The following STPG2 variants were observed in gnomAD, a reference collection of about 807,000 sequenced individuals.
STPG2 encodes the protein sperm-tail PG-rich repeat-containing protein 2.
Under a neutral mutation model 54.2 loss-of-function variants are expected in STPG2, and 56 were observed. The ratio of observed to expected loss-of-function variants is 1.03; its 90% CI spans 0.83 to 1.29. STPG2 has a LOEUF of 1.29. Ranked by LOEUF, STPG2 falls within the 50% of genes most tolerant of loss-of-function variation. STPG2 has a pLI of 0.00. For synonymous variants in STPG2, 200 were observed against 181.8 expected (o/e 1.10, Z -0.81); for missense variants, 596 against 544.9 (o/e 1.09, Z -0.93).
chr4:97,639,460 AATGTGCAC>A (rs1721687325), intron 10 of STPG2, among the ~76,000 whole-genome samples: 1 of 151,992 alleles, frequency 6.6e-6, no homozygotes. Flanking sequence ...TAACCTGCAC[AATGTGCAC>A]ATGTACCCTA....
intron 10 of STPG2, among the ~76,000 whole-genome samples, chr4:97,629,771 G>T (rs1231420227): frequency 1.3e-5 from 2 of 151,892 alleles, no homozygotes; most frequent in African/African-American, 4.8e-5. Context: ...ATATGTTAGG[G>T]TAATAGAAGG....
chr4:97,864,387 C>T lies in STPG2; in HGVS notation c.1045-23455G>A, dbSNP rs550641210. On this transcript the variant is annotated intron_variant, in intron 8 of 10. Transcript: ENST00000295268. The stretch of plus-strand genomic sequence containing the variant: ...ACCTAGGAATCCAACTTACAAGGGA[C>T]GTGAAGGATCTCTTCAAGGAGAACT... Among the ~76,000 whole-genome samples, 52 of 152,088 alleles carry T rather than the reference C, an allele frequency of 3.4e-4. No individual in the cohort carries two copies. In the South Asian group the frequency reaches 6.0e-3, roughly 18 times the overall value.
chr4:97,579,065 T>A (rs1333131893), intron 10 of STPG2, among the ~76,000 whole-genome samples: 3 of 152,124 alleles, frequency 2.0e-5, no homozygotes, highest in African/African-American at 7.2e-5. Context: ...GAAGAAAATA[T>A]CTACAATAAT....
Position 98,078,956 on chromosome 4 carries a change from G to A in STPG2, c.612+26997C>T, listed in dbSNP as rs1288953288. 4.6e-5 allele frequency among the ~76,000 whole-genome samples: 7 copies of A among 152,028 alleles called. No individual in the cohort carries two copies. The South Asian group carries it at 6.2e-4, about 14-fold the overall frequency. On this transcript the variant is annotated intron_variant, in intron 5 of 10. Transcript: ENST00000295268. The stretch of plus-strand genomic sequence containing the variant: ...TACTGTATTTATGATGTAGAAGCAC[G>A]AATAATAACCATATTATTGCATATT...
chr4:97,616,083 TATATATATA>T, intron 10 of STPG2, among the ~76,000 whole-genome samples: 1 of 83,010 alleles, frequency 1.2e-5, no homozygotes, highest in Admixed American at 1.5e-4. Flanking sequence ...TATATATATA[TATATATATA>T]TATGTATGTA....
At chr4:98,088,170 T>G (rs1172274801) in intron 5 of STPG2, among the ~76,000 whole-genome samples, 1 of 152,170 alleles carries the variant, frequency 6.6e-6, no homozygotes, top group Non-Finnish European at 1.5e-5. Context: ...TCAATGTGAC[T>G]AAAGTATAGG....
intron 5 of STPG2, among the ~76,000 whole-genome samples, chr4:97,990,395 AG>A (rs1734964512): frequency 6.6e-6 from 1 of 152,170 alleles, no homozygotes. Flanking sequence ...ATTATAAAGA[AG>A]GAAAAAACAC....
chr4:97,519,294 T>C (rs1174130561), intron 4 of STPG2, among the ~76,000 whole-genome samples: 1 of 152,000 alleles, frequency 6.6e-6, no homozygotes, highest in African/African-American at 2.4e-5. Context: ...TCATCTCTGA[T>C]AAGTGTGAGG....
At chr4:97,636,642 A>G (rs1254204665) in intron 10 of STPG2, among the ~76,000 whole-genome samples, 120 of 143,680 alleles carry the variant, frequency 8.4e-4, no homozygotes, top group African/African-American at 2.1e-3. Flanking sequence ...AGATGCAATA[A>G]AAAATGATAA....
intron 4 of STPG2, among the ~76,000 whole-genome samples, chr4:97,522,025 A>G (rs992074474): frequency 6.6e-6 from 1 of 151,974 alleles, no homozygotes; most frequent in African/African-American, 2.4e-5. Context: ...GCCAAAGTAA[A>G]TATGCTTTAA....
chr4:97,553,635 G>A (rs778796488), intron 4 of STPG2, among the ~76,000 whole-genome samples: 1 of 152,154 alleles, frequency 6.6e-6, no homozygotes, highest in Non-Finnish European at 1.5e-5. Context: ...CCTAACTGGG[G>A]TCAAATTTAC....
intron 10 of STPG2, among the ~76,000 whole-genome samples, chr4:97,580,097 C>T (rs1201837533): frequency 1.3e-5 from 2 of 151,900 alleles, no homozygotes; most frequent in African/African-American, 4.8e-5. Flanking sequence ...ATAAACTATA[C>T]TAATTAACCG....
chr4:97,462,066 CTTGA>C (rs1729677924), intron 4 of STPG2, among the ~76,000 whole-genome samples: 1 of 151,778 alleles, frequency 6.6e-6, no homozygotes, highest in South Asian at 2.1e-4. Flanking sequence ...TTTCTAGAAT[CTTGA>C]TTTTTTTTTC....
chr4:97,572,452 A>G (rs1240426482), intron 10 of STPG2, among the ~76,000 whole-genome samples: 2 of 152,170 alleles, frequency 1.3e-5, no homozygotes, highest in African/African-American at 4.8e-5. Context: ...AACATCTCAT[A>G]TAAGAACAGT....
intron 5 of STPG2, among the ~76,000 whole-genome samples, chr4:98,053,141 C>T (rs1737378177): frequency 6.6e-6 from 1 of 152,140 alleles, no homozygotes. Flanking sequence ...TTATACCATA[C>T]CTTTCCAATT....
chr4:98,065,615 C>T (rs1289211131), intron 5 of STPG2, among the ~76,000 whole-genome samples: 1 of 152,134 alleles, frequency 6.6e-6, no homozygotes, highest in African/African-American at 2.4e-5. Flanking sequence ...AGCGAGGAGC[C>T]AGACTCACTC....
chr4:97,779,162 C>T (rs1007742862), intron 9 of STPG2, among the ~76,000 whole-genome samples: 2 of 151,950 alleles, frequency 1.3e-5, no homozygotes, highest in African/African-American at 4.8e-5. Context: ...CGAACCCAAC[C>T]CAAAGAAGCT....
rs148895711 is a variant in STPG2 at position 97,995,827 on chromosome 4, T to C, written c.613-14509A>G. Among the ~76,000 whole-genome samples the C allele has an allele frequency of 3.7e-3, 568 of 152,252 alleles. 1 individual carries two copies. The highest frequency in any genetic ancestry group is 0.013 in the African/African-American group (537 of 41,540). ...GTCCCCACCCAAATCTCATGTTGAA[T>C]TGTAAACCCCACATGTTGAAGGAAG... On this transcript the variant is annotated intron_variant, in intron 5 of 10. Coordinates refer to ENST00000295268, the MANE Select transcript of STPG2 (RefSeq NM_174952.3).
chr4:98,069,112 G>A (rs1412677041), intron 5 of STPG2, among the ~76,000 whole-genome samples: 4 of 151,880 alleles, frequency 2.6e-5, no homozygotes, highest in African/African-American at 9.7e-5. Context: ...AAAGATATGA[G>A]TATGTTTGTG....
Sources: gnomAD v4.1 joint callset for allele counts (sites outside exome capture counted in the v4.1 genomes callset) on GRCh38, gnomAD v4.1.1 for gene constraint, MANE v1.5 for transcripts, NCBI Gene and HGNC (gene_info 2026-07-23, HGNC 2026-07-21) for gene names.